The following DCDC1 variants were observed in gnomAD, a reference collection of about 807,000 sequenced individuals.
DCDC1 encodes doublecortin domain-containing protein 1.
In DCDC1, 200 loss-of-function variants were observed where a neutral mutation model predicts 178.3. The observed-to-expected ratio is 1.12, with a 90% CI of 1.00 to 1.26. The LOEUF (loss-of-function observed/expected upper bound fraction) is 1.26. Among genes scored for constraint, DCDC1 ranks in the 50% most tolerant of loss-of-function variants. DCDC1 has a pLI of 0.00. For missense variants in DCDC1, 1,983 were observed against 1,749.2 expected (o/e 1.13, Z -2.38); for synonymous variants, 690 against 604.8 (o/e 1.14, Z -2.07).
At chr11:31,099,111 C>T (rs1958336508) in intron 15 of DCDC1, among the ~76,000 whole-genome samples, 1 of 152,136 alleles carries the variant, frequency 6.6e-6, no homozygotes, top group Admixed American at 6.5e-5. Flanking sequence ...AAGAGAAAAG[C>T]CTCCTTTGAG....
intron 12 of DCDC1, among the ~76,000 whole-genome samples, chr11:31,107,545 C>T (rs1958932056): frequency 6.6e-6 from 1 of 152,116 alleles, no homozygotes; most frequent in Non-Finnish European, 1.5e-5. Context: ...GTAAGAAAGA[C>T]ATCATGGAAG....
intron 20 of DCDC1, among the ~76,000 whole-genome samples, chr11:31,033,332 T>G (rs1953796087): frequency 1.3e-5 from 2 of 152,150 alleles, no homozygotes; most frequent in Admixed American, 1.3e-4. Context: ...ATTTATATAC[T>G]CTGTTTTACA....
chr11:31,087,197 T>C (rs1957531271), intron 17 of DCDC1, among the ~76,000 whole-genome samples: 1 of 152,158 alleles, frequency 6.6e-6, no homozygotes, highest in South Asian at 2.1e-4. Context: ...TTATCATCCC[T>C]TTAATAACTG....
In DCDC1 at chr11:31,190,793, T is replaced by A. The variant is rs565977144; in HGVS notation, c.1221+50657A>T. ...TAAATTATCTGAGCTCAATTAACATTACTTAATATTTTAATGGCCATTTGT... is the reference window on the plus strand; with the variant it reads ...TAAATTATCTGAGCTCAATTAACATAACTTAATATTTTAATGGCCATTTGT... On this transcript the variant is annotated intron_variant, in intron 9 of 38. Coordinates refer to ENST00000684477, the MANE Select transcript of DCDC1 (RefSeq NM_001387274.1). 5.3e-5 allele frequency among the ~76,000 whole-genome samples: 8 copies of A among 152,224 alleles called. No individual in the cohort carries two copies. In the South Asian group the frequency reaches 1.7e-3, roughly 32 times the overall value.
At chr11:30,923,001 G>A (rs113091064) in intron 23 of DCDC1, among the ~76,000 whole-genome samples, 55 of 151,070 alleles carry the variant, frequency 3.6e-4, no homozygotes, top group African/African-American at 1.2e-3. Flanking sequence ...AGGGAAGGAG[G>A]TGGGAAAGAA....
chr11:31,048,064 C>T (rs920705539), intron 20 of DCDC1, among the ~76,000 whole-genome samples: 6 of 152,124 alleles, frequency 3.9e-5, no homozygotes, highest in African/African-American at 7.2e-5. Context: ...TAATCACTAT[C>T]CCTCTTTTGT....
intron 27 of DCDC1, among the ~76,000 whole-genome samples, chr11:30,912,007 T>C (rs1020978102): frequency 1.3e-5 from 2 of 152,034 alleles, no homozygotes; most frequent in African/African-American, 4.8e-5. Context: ...TCAAGAGGGG[T>C]CTGCTTGGAT....
At chr11:31,260,222 CTT>C (rs948136206) in intron 8 of DCDC1, among the ~76,000 whole-genome samples, 3 of 152,136 alleles carry the variant, frequency 2.0e-5, no homozygotes, top group Admixed American at 1.3e-4. Flanking sequence ...GAGTTTGAAA[CTT>C]TATTGGTTTT....
At chr11:30,974,456 A>G (rs1466840726) in intron 20 of DCDC1, among the ~76,000 whole-genome samples, 4 of 152,014 alleles carry the variant, frequency 2.6e-5, no homozygotes, top group Non-Finnish European at 5.9e-5. Flanking sequence ...AAAAAAATGC[A>G]ATGAACTGTT....
chr11:31,242,484 A>T (rs1485844238), intron 8 of DCDC1, among the ~76,000 whole-genome samples: 1 of 151,994 alleles, frequency 6.6e-6, no homozygotes, highest in Non-Finnish European at 1.5e-5. Context: ...CAGAAAAAGT[A>T]AATGATATTT....
At chr11:31,098,590 C>T (rs1190788370) in intron 15 of DCDC1, among the ~76,000 whole-genome samples, 1 of 152,204 alleles carries the variant, frequency 6.6e-6, no homozygotes, top group East Asian at 1.9e-4. Context: ...AGAATATCGG[C>T]TTTTGCCTCC....
chr11:30,874,626 C>G (rs1941947248), intron 38 of DCDC1, among the ~76,000 whole-genome samples: 1 of 152,124 alleles, frequency 6.6e-6, no homozygotes, highest in South Asian at 2.1e-4. Flanking sequence ...CTCCTCTCCT[C>G]CACCTCTCTC....
chr11:31,015,275 G>GGATT (rs1172700680), intron 20 of DCDC1, among the ~76,000 whole-genome samples: 2 of 151,988 alleles, frequency 1.3e-5, no homozygotes, highest in African/African-American at 4.8e-5. Flanking sequence ...TTCTATATTA[G>GGATT]CTATATTTAG....
intron 8 of DCDC1, among the ~76,000 whole-genome samples, chr11:31,253,356 A>ATT (rs1357132704): frequency 5.2e-5 from 7 of 134,692 alleles, no homozygotes; most frequent in Non-Finnish European, 4.8e-5. Flanking sequence ...AGTTTTGGAG[A>ATT]TTTTTTTTTT....
At chr11:30,884,927 A>T (rs1565024684) in intron 36 of DCDC1, among the ~76,000 whole-genome samples, 1 of 152,114 alleles carries the variant, frequency 6.6e-6, no homozygotes, top group Non-Finnish European at 1.5e-5. Context: ...TGATTTTACG[A>T]TGTTGAACTG....
chr11:31,072,709 C>T (rs1296309036), intron 18 of DCDC1, among the ~76,000 whole-genome samples: 1 of 152,006 alleles, frequency 6.6e-6, no homozygotes, highest in African/African-American at 2.4e-5. Flanking sequence ...ACAAATAAGA[C>T]AAAAGACTTA....
Position 31,244,014 on chromosome 11 carries a change from CAA to C in DCDC1, c.1055-2400_1055-2399del, listed in dbSNP as rs547928527. The stretch of plus-strand genomic sequence containing the variant: ...TTGATGATCTTCTTGAAAAGGAAGA[CAA>C]AGCACACTCCAAGAACAAACAATGT... On this transcript the variant is annotated intron_variant, in intron 8 of 38. Coordinates refer to ENST00000684477, the MANE Select transcript of DCDC1 (RefSeq NM_001387274.1). Among the ~76,000 whole-genome samples the C allele has an allele frequency of 3.4e-3, 515 of 151,678 alleles. 1 individual carries two copies. Among genetic ancestry groups the C allele is most frequent in the Admixed American group, 9.5e-3 (144 of 15,174 alleles).
intron 7 of DCDC1, among the ~76,000 whole-genome samples, chr11:31,283,453 A>G (rs935752696): frequency 3.2e-4 from 49 of 151,454 alleles, no homozygotes; most frequent in African/African-American, 1.1e-3. Flanking sequence ...TTAAGTTTCC[A>G]GTTCTCTTCG....
At chr11:31,306,685 A>G (rs1355599271) in intron 4 of DCDC1, among the ~76,000 whole-genome samples, 1 of 151,774 alleles carries the variant, frequency 6.6e-6, no homozygotes, top group Non-Finnish European at 1.5e-5. Flanking sequence ...AGTCCTTTTA[A>G]AATATATATA....
Sources: gnomAD v4.1 joint callset for allele counts (sites outside exome capture counted in the v4.1 genomes callset) on GRCh38, gnomAD v4.1.1 for gene constraint, MANE v1.5 for transcripts, NCBI Gene and HGNC (gene_info 2026-07-23, HGNC 2026-07-21) for gene names.